MAT2B: variants seen among roughly 807,000 people sequenced by gnomAD.
The protein encoded by MAT2B is methionine adenosyltransferase 2 subunit beta.
In MAT2B, 16 loss-of-function variants were observed where a neutral mutation model predicts 36.1. The observed-to-expected ratio is 0.44, with a 90% CI of 0.30 to 0.67. MAT2B has a LOEUF of 0.67. MAT2B is among the 30% of genes least tolerant of loss of function. The probability of loss-of-function intolerance (pLI) is 0.09; values close to 1 mark genes in which losing one functional copy is unlikely to be tolerated. For missense variants in MAT2B, 332 were observed against 398.2 expected (o/e 0.83, Z 1.42); for synonymous variants, 148 against 136.9 (o/e 1.08, Z -0.57).
chr5:163,504,952 A>G (rs1443411560), upstream of MAT2B, among the ~76,000 whole-genome samples: 1 of 152,054 alleles, frequency 6.6e-6, no homozygotes, highest in Non-Finnish European at 1.5e-5. Flanking sequence ...CTTGTTCTGT[A>G]ATTATGGGTA....
Position 163,518,532 on chromosome 5 carries a change from C to A in MAT2B, c.*169C>A. Reference sequence around the variant, plus strand: ...GAAATTGTCTAAAGAAACTAAAGGGCAGTCATGCCCTGTTTGCAGTAATTT... The same window carrying A: ...GAAATTGTCTAAAGAAACTAAAGGGAAGTCATGCCCTGTTTGCAGTAATTT... On this transcript the variant is annotated 3_prime_UTR_variant, in exon 7 of 7. Transcript: ENST00000321757. 2.0e-6 allele frequency: 1 copy of A among 490,820 alleles called. No homozygotes were observed. Among genetic ancestry groups the A allele is most frequent in the Non-Finnish European group, 3.4e-6 (1 of 291,358 alleles). The allele number at this position is 490,820 out of a possible 1,614,324, so 30.4% of individuals were successfully genotyped here.
intron 1 of MAT2B, among the ~76,000 whole-genome samples, chr5:163,508,476 GGT>G (rs1268379375): frequency 6.6e-6 from 1 of 152,100 alleles, no homozygotes; most frequent in Non-Finnish European, 1.5e-5. Context: ...GACCTCAAGT[GGT>G]TGGTCCACCT....
At chr5:163,506,033 G>T (rs1378340902) in intron 1 of MAT2B, among the ~76,000 whole-genome samples, 1 of 152,162 alleles carries the variant, frequency 6.6e-6, no homozygotes, top group Non-Finnish European at 1.5e-5. Flanking sequence ...AGGACGAAGA[G>T]GTTTTTCAGA....
rs761361206 is a variant in MAT2B, at chr5:163,516,704, G to T, written c.713G>T (p.Arg238Ile). 6.2e-7 allele frequency: 1 copy of T among 1,614,142 alleles called. No individual in the cohort carries two copies. The highest frequency in any genetic ancestry group is 1.1e-5 in the South Asian group (1 of 91,082). ...GTGTGCCGGCAGCTAGCAGAGAAGA[G>T]AATGCTGGTAAGAAGGATTCCTGAG... ...ATVCRQLAEK[R>I]MLDPSIKGTF... The change falls in exon 5 of 7, where the codon AGA (arginine) becomes ATA (isoleucine). Residue 238 changes from arginine to isoleucine, a missense_variant. Physicochemically the swap from Arg to Ile is moderately conservative, Grantham distance 97 (BLOSUM62 -3). Transcript: ENST00000321757.
rs529507365 is a variant in MAT2B at position 163,510,613 on chromosome 5, T to G, written c.64-1389T>G. On this transcript the variant is annotated intron_variant, in intron 1 of 6. Coordinates refer to ENST00000321757, the MANE Select transcript of MAT2B (RefSeq NM_013283.5). ...GGTTTCACCATGTTGGCCAGGCTGG[T>G]CTTGAACTCCTGACCTCAGGTGATC... 2.6e-5 allele frequency among the ~76,000 whole-genome samples: 4 copies of G among 152,190 alleles called. No homozygotes were observed. In the East Asian group the frequency reaches 7.7e-4, roughly 29 times the overall value.
At chr5:163,510,562 T>G (rs11959297) in intron 1 of MAT2B, among the ~76,000 whole-genome samples, 5,680 of 151,920 alleles carry the variant, frequency 0.037, 360 homozygotes, top group African/African-American at 0.13. Flanking sequence ...GCCTGGCTAA[T>G]TTTTTTGTAT....
chr5:163,505,890 G>T, intron 1 of MAT2B, 141 bp downstream of exon 1: 2 of 569,680 alleles, frequency 3.5e-6, no homozygotes, highest in African/African-American at 3.9e-5. Context: ...CACCCTCCCA[G>T]CCCCGGATCC....
chr5:163,514,129 A>T (rs559039588), intron 4 of MAT2B, 135 bp downstream of exon 4: 53 of 640,058 alleles, frequency 8.3e-5, no homozygotes, highest in Non-Finnish European at 1.2e-4. Flanking sequence ...TATAGTTAAT[A>T]AAGAAAATAA....
intron 2 of MAT2B, chr5:163,513,339 T>C (rs1353894861): frequency 1.2e-5 from 5 of 427,374 alleles, no homozygotes; most frequent in Non-Finnish European, 1.7e-5. Context: ...CTGCATATTA[T>C]GAAATACTCT....
intron 5 of MAT2B, chr5:163,517,059 G>A (rs1307474661): frequency 2.7e-6 from 1 of 373,148 alleles, no homozygotes; most frequent in South Asian, 6.9e-5. Flanking sequence ...TGAAAAAGTT[G>A]GTATTAAATA....
chr5:163,518,256 T>C lies in MAT2B; in HGVS notation c.898T>C (p.Leu300=). 1.2e-6 allele frequency: 2 copies of C among 1,613,980 alleles called. No individual in the cohort carries two copies. The highest frequency in any genetic ancestry group is 1.7e-6 in the Non-Finnish European group (2 of 1,179,916). Residue 300 remains leucine, a synonymous_variant, in exon 7 of 7, where the codon TTG becomes CTG. Transcript: ENST00000321757. Reference sequence around the variant, plus strand: ...AAATGCTCAGCTTGACTGCTCCAAATTGGAGACCTTGGGCATTGGCCAACG... The same window carrying C: ...AAATGCTCAGCTTGACTGCTCCAAACTGGAGACCTTGGGCATTGGCCAACG... ...PRNAQLDCSK[L]ETLGIGQRTP...
intron 4 of MAT2B, among the ~76,000 whole-genome samples, chr5:163,515,259 A>G (rs1760113655): frequency 1.3e-5 from 2 of 152,248 alleles, no homozygotes; most frequent in South Asian, 4.1e-4. Context: ...ATTTGCAGTT[A>G]AAGTGTTAAC....
intron 4 of MAT2B, among the ~76,000 whole-genome samples, chr5:163,515,892 G>A (rs770212572): frequency 4.3e-5 from 6 of 140,754 alleles, no homozygotes; most frequent in African/African-American, 1.6e-4. Context: ...CTCCCACCAC[G>A]AACGGCTAAT....
chr5:163,504,046 C>T (rs1175492030), upstream of MAT2B, among the ~76,000 whole-genome samples: 1 of 152,202 alleles, frequency 6.6e-6, no homozygotes, highest in Non-Finnish European at 1.5e-5. Context: ...AATCAGAATG[C>T]TAATTGCATA....
intron 2 of MAT2B, chr5:163,512,797 A>G (rs933246113): frequency 2.5e-6 from 1 of 402,636 alleles, no homozygotes; most frequent in Admixed American, 3.1e-5. Flanking sequence ...TCTCCTGCCT[A>G]AGCTTCCTGA....
intron 4 of MAT2B, 104 bp downstream of exon 4, chr5:163,514,098 A>T: frequency 1.1e-6 from 1 of 886,584 alleles, no homozygotes; most frequent in Non-Finnish European, 1.6e-6. Context: ...ATGAATATGA[A>T]TCATTAGAGA....
At chr5:163,506,440 C>A (rs1056054510) in intron 1 of MAT2B, among the ~76,000 whole-genome samples, 1 of 152,062 alleles carries the variant, frequency 6.6e-6, no homozygotes, top group African/African-American at 2.4e-5. Context: ...CTCTGGTGCC[C>A]CCCTCGCCCC....
chr5:163,507,207 A>G (rs1759962470), intron 1 of MAT2B, among the ~76,000 whole-genome samples: 1 of 152,224 alleles, frequency 6.6e-6, no homozygotes, highest in Non-Finnish European at 1.5e-5. Context: ...TACTAATAGT[A>G]TTCCATTCTT....
At chr5:163,508,398 C>G (rs898861120) in intron 1 of MAT2B, among the ~76,000 whole-genome samples, 2 of 150,510 alleles carry the variant, frequency 1.3e-5, no homozygotes. Flanking sequence ...CCACCATGCC[C>G]GACTAGTTTT....
Sources: allele counts gnomAD v4.1 joint callset (sites outside exome capture counted in the v4.1 genomes callset), GRCh38; gene constraint gnomAD v4.1.1; transcripts MANE v1.5; gene names NCBI Gene and HGNC (gene_info 2026-07-23, HGNC 2026-07-21).